Variants in CFAP99 observed in about 807,000 individuals in gnomAD.
CFAP99 encodes cilia and flagella associated protein 99, also known as cilia- and flagella-associated protein 99.
Under a neutral mutation model 82.7 loss-of-function variants are expected in CFAP99, and 84 were observed. The ratio of observed to expected loss-of-function variants is 1.02; its 90% CI spans 0.85 to 1.22. CFAP99 has a LOEUF of 1.22. Ranked by LOEUF, CFAP99 falls within the 50% of genes most tolerant of loss-of-function variation. The pLI, the probability that CFAP99 is intolerant of heterozygous loss-of-function variation, is 0.00. For missense variants in CFAP99, 1,059 were observed against 983.5 expected, an observed-to-expected ratio of 1.08 and a Z score of -1.03; for synonymous variants, 456 against 429.5, an observed-to-expected ratio of 1.06 and a Z score of -0.76.
At chr4:2,426,259 T>G (rs1014128496) in intron 1 of CFAP99, among the ~76,000 whole-genome samples, 200 bp from the exon 2 acceptor site, 1 of 151,872 alleles carries the variant, frequency 6.6e-6, no homozygotes, top group African/African-American at 2.4e-5. Flanking sequence ...ACATGCACCT[T>G]GGGGTACCTG....
chr4:2,422,339 A>G (rs1030340203), intron 1 of CFAP99, among the ~76,000 whole-genome samples: 2 of 152,078 alleles, frequency 1.3e-5, no homozygotes, highest in African/African-American at 4.8e-5. Flanking sequence ...GGACAATTTG[A>G]GTCAGGCTGG....
chr4:2,440,779 A>G (rs1025607737), intron 4 of CFAP99, among the ~76,000 whole-genome samples: 3 of 151,544 alleles, frequency 2.0e-5, no homozygotes, highest in Non-Finnish European at 2.9e-5. Context: ...TATTTTTAGT[A>G]GAGACAGGGT....
At chr4:2,456,231 C>A (rs1734429882) in intron 11 of CFAP99, among the ~76,000 whole-genome samples, 1 of 151,890 alleles carries the variant, frequency 6.6e-6, no homozygotes, top group Non-Finnish European at 1.5e-5. Context: ...TGCGGTTTTG[C>A]CATGTTGGCC....
Position 2,448,436 on chromosome 4 carries a change from C to T in CFAP99, c.643-1234C>T, listed in dbSNP as rs184754431. Among the ~76,000 whole-genome samples the T allele has an allele frequency of 2.0e-5, 3 of 152,366 alleles. No homozygotes were observed. Among genetic ancestry groups the T allele is most frequent in the Admixed American group, 2.0e-4 (3 of 15,300 alleles). ...GAAACTATCCTCTACCCTCCCTGCC[C>T]TGCCCCATGCCTAAGACATCCTTCT... On this transcript the variant is annotated intron_variant, in intron 6 of 14. Transcript: ENST00000635017. This position sits in a 1 kb window ranked among gnomAD's most constrained non-coding sequence, Gnocchi z 5.2.
chr4:2,462,273 C>T lies in CFAP99; in HGVS notation c.1662-170C>T, dbSNP rs982960765. The T allele has an allele frequency of 8.7e-6, 5 of 572,480 alleles. No individual in the cohort carries two copies. Among genetic ancestry groups the T allele is most frequent in the African/African-American group, 8.0e-5 (4 of 50,302 alleles). The allele number at this position is 572,480 out of a possible 1,614,324, so 35.5% of individuals were successfully genotyped here. The stretch of plus-strand genomic sequence containing the variant: ...TCCAGCCCCTGAGCGGTGGTACTGT[C>T]TAGGAGCGCGCCGCGGCCCCTGGGC... On this transcript the variant is annotated intron_variant, in intron 14 of 14. Coordinates refer to ENST00000635017, the Ensembl canonical transcript of CFAP99. This position sits in a 1 kb window ranked among gnomAD's most constrained non-coding sequence, Gnocchi z 4.1.
At position 2,421,350 on chromosome 4, in the gene CFAP99, C is replaced by CTTTTTT. The variant is rs10632358; in HGVS notation, c.-18+2274_-18+2279dup. Among the ~76,000 whole-genome samples the CTTTTTT allele has an allele frequency of 1.7e-3, 168 of 96,968 alleles. 4 individuals are homozygous for CTTTTTT. The highest frequency in any genetic ancestry group is 2.7e-3 in the East Asian group (7 of 2,598). The allele number at this position is 96,968 out of a possible 152,430, so 63.6% of individuals were successfully genotyped here. The stretch of plus-strand genomic sequence containing the variant: ...AAAGAGAAGCTTTAGTCTGCCCACC[C>CTTTTTT]TTTTTTTTTTTTTTTTTTTTTTGAG... On this transcript the variant is annotated intron_variant, in intron 1 of 14. Coordinates refer to ENST00000635017, the Ensembl canonical transcript of CFAP99.
intron 2 of CFAP99, 89 bp downstream of exon 2, chr4:2,426,675 C>T (rs1324573668): frequency 2.4e-5 from 20 of 817,350 alleles, no homozygotes; most frequent in East Asian, 2.1e-4. Context: ...GCCTTCCTAA[C>T]GACTGCCTTC....
rs185477079 is a variant in CFAP99, at chr4:2,426,432, G to T, written c.-17-27G>T. On this transcript the variant is annotated intron_variant, in intron 1 of 14. Transcript: ENST00000635017. ...CTGCGGCTACATCCCAGGTGTGGAGGGCGTGACCTGCACGGTTTGTTCTTA... is the reference window on the plus strand; with the variant it reads ...CTGCGGCTACATCCCAGGTGTGGAGTGCGTGACCTGCACGGTTTGTTCTTA... 1.3e-4 allele frequency: 186 copies of T among 1,412,592 alleles called. No individual in the cohort carries two copies. In the African/African-American group the frequency reaches 2.4e-3, roughly 18 times the overall value. The allele number at this position is 1,412,592 out of a possible 1,614,324, so 87.5% of individuals were successfully genotyped here.
intron 11 of CFAP99, among the ~76,000 whole-genome samples, chr4:2,454,452 G>T (rs1484637445): frequency 6.6e-6 from 1 of 151,486 alleles, no homozygotes; most frequent in African/African-American, 2.4e-5. Context: ...TGATCTTTTG[G>T]AATACAAATA....
intron 3 of CFAP99, 129 bp downstream of exon 3, chr4:2,437,147 C>T: frequency 8.9e-7 from 1 of 1,120,940 alleles, no homozygotes; most frequent in Non-Finnish European, 1.3e-6. Flanking sequence ...GCACTGGAGG[C>T]TTCCCGGCTC....
At chr4:2,453,599 G>A (rs755728276) in intron 11 of CFAP99, among the ~76,000 whole-genome samples, 6 of 152,100 alleles carry the variant, frequency 3.9e-5, no homozygotes, top group Non-Finnish European at 8.8e-5. Flanking sequence ...GTATAGTTCT[G>A]ATTTGCATCT....
At chr4:2,432,554 C>T (rs1733819783) in intron 2 of CFAP99, among the ~76,000 whole-genome samples, 1 of 152,178 alleles carries the variant, frequency 6.6e-6, no homozygotes, top group Admixed American at 6.5e-5. Context: ...GTTAATTAGC[C>T]TCCTGGCCCC....
At chr4:2,459,068 C>A (rs1010930079) in intron 12 of CFAP99, 39 bp from the exon 13 acceptor site, 25 of 1,477,760 alleles carry the variant, frequency 1.7e-5, no homozygotes, top group Middle Eastern at 1.8e-4. Flanking sequence ...CCTGCCCTGC[C>A]ACCCACCAGC....
intron 1 of CFAP99, among the ~76,000 whole-genome samples, chr4:2,425,070 C>T (rs887837944): frequency 3.3e-5 from 5 of 152,138 alleles, no homozygotes; most frequent in African/African-American, 1.2e-4. Flanking sequence ...CTTTACCTTC[C>T]GTCTCCTGTT....
rs148772372 is a variant in CFAP99 at position 2,437,999 on chromosome 4, G to A, written c.257-71G>A. 411 of 918,960 alleles carry A rather than the reference G, an allele frequency of 4.5e-4. 1 individual carries two copies. In the African/African-American group the frequency reaches 6.1e-3, roughly 14 times the overall value. 56.9% of individuals were successfully genotyped at this position (918,960 alleles called of 1,614,324 possible). A position where few individuals can be genotyped will look rare whatever the true frequency, so the allele number is the denominator to read the frequency against. ...GTGCCCTGACACGGTGGAGGCCTTC[G>A]GCTCCGGTCCCGCCGTGTGCCTGGT... On this transcript the variant is annotated intron_variant, in intron 3 of 14. Coordinates refer to ENST00000635017, the Ensembl canonical transcript of CFAP99.
At chr4:2,452,379 C>G in intron 11 of CFAP99, 33 bp downstream of exon 11, 1 of 1,526,972 alleles carries the variant, frequency 6.5e-7, no homozygotes, top group Non-Finnish European at 8.8e-7. Flanking sequence ...GGGCATGGGG[C>G]AGCCAGCTGA....
Position 2,432,095 on chromosome 4 carries a change from T to C in CFAP99, c.112-4779T>C, listed in dbSNP as rs1218373383. ...TGCAGACAGGCAGTCTAGAGTGGGT[T>C]CAGCAGCTCCATGATGCCATGAAGA... On this transcript the variant is annotated intron_variant, in intron 2 of 14. Coordinates refer to ENST00000635017, the Ensembl canonical transcript of CFAP99. 2.0e-5 allele frequency among the ~76,000 whole-genome samples: 3 copies of C among 152,242 alleles called. No homozygotes were observed. The East Asian group carries it at 5.8e-4, about 29-fold the overall frequency.
Position 2,462,147 on chromosome 4 carries a change from ACC to A in CFAP99, c.1662-294_1662-293del, listed in dbSNP as rs1349652613. 4.0e-6 allele frequency: 1 copy of A among 249,648 alleles called. No homozygotes were observed. Among genetic ancestry groups the A allele is most frequent in the African/African-American group, 2.3e-5 (1 of 44,172 alleles). 15.5% of individuals were successfully genotyped at this position (249,648 alleles called of 1,614,324 possible). On this transcript the variant is annotated intron_variant, in intron 14 of 14. Transcript: ENST00000635017. The surrounding 1 kb of genome is among the most constrained non-coding windows in gnomAD (Gnocchi z 4.1). Reference sequence around the variant, plus strand: ...ACTCCAGCCTGGGCGACAGAGTGAGACCCTGCCTCAAACAAACAAACAAACAA... The same window carrying A: ...ACTCCAGCCTGGGCGACAGAGTGAGACTGCCTCAAACAAACAAACAAACAA...
intron 4 of CFAP99, among the ~76,000 whole-genome samples, chr4:2,438,512 T>A (rs991227973): frequency 2.0e-5 from 3 of 152,148 alleles, no homozygotes; most frequent in Non-Finnish European, 4.4e-5. Context: ...TCCGCCCGCC[T>A]CGGCCTCCCA....
Sources: gnomAD v4.1 joint callset for allele counts (sites outside exome capture counted in the v4.1 genomes callset) on GRCh38, gnomAD v4.1.1 for gene constraint, Gnocchi (gnomAD v3.1) non-coding constraint, MANE v1.5 for transcripts, NCBI Gene and HGNC (gene_info 2026-07-23, HGNC 2026-07-21) for gene names.